C11orf96: variants seen among roughly 807,000 people sequenced by gnomAD.
The protein encoded by C11orf96 is chromosome 11 open reading frame 96.
Under a neutral mutation model 7.6 loss-of-function variants are expected in C11orf96, and 6 were observed. The observed-to-expected ratio is 0.79, with a 90% CI of 0.43 to 1.55. The LOEUF is 1.55. C11orf96 is among the 40% of genes most tolerant of loss of function. The probability of loss-of-function intolerance (pLI) is 0.01; values close to 1 mark genes in which losing one functional copy is unlikely to be tolerated. For missense variants in C11orf96, 150 were observed against 167.3 expected, an observed-to-expected ratio of 0.90 and a Z score of 0.57; for synonymous variants, 72 against 79.0, an observed-to-expected ratio of 0.91 and a Z score of 0.47.
chr11:43,943,202 C>A lies in C11orf96; in HGVS notation c.298C>A (p.Gln100Lys). 1 of 1,524,176 alleles carries A rather than the reference C, an allele frequency of 6.6e-7. No homozygotes were observed. Among genetic ancestry groups the A allele is most frequent in the Non-Finnish European group, 8.8e-7 (1 of 1,135,582 alleles). The allele number at this position is 1,524,176 out of a possible 1,614,324, so 94.4% of individuals were successfully genotyped here. ...LRRSTQSLSL[Q>K]REQLSSCKLR... ...CCGCAGCACGCAGAGCCTGTCGCTGCAGCGGGAGCAGCTCAGCAGCTGCAA... is the reference window on the plus strand; with the variant it reads ...CCGCAGCACGCAGAGCCTGTCGCTGAAGCGGGAGCAGCTCAGCAGCTGCAA... The change falls in exon 1 of 1, where the codon CAG (glutamine) becomes AAG (lysine). Residue 100 changes from glutamine to lysine, a missense_variant. Gln to Lys is a moderately conservative substitution (Grantham distance 53). Around this residue, in one of 3 missense-constraint regions of C11orf96, gnomAD observed 69 missense variants for 69.1 expected, o/e 1.00. Transcript: ENST00000617612. The surrounding 1 kb of genome is among the most constrained non-coding windows in gnomAD (Gnocchi z 4.8).
Position 43,943,511 on chromosome 11 carries a change from T to G in C11orf96, c.*238T>G, listed in dbSNP as rs994376932. ...TTTCCTCGTCCTTGTAAATGTTTAT[T>G]TTTTAACTCTTCCCAGTGCGAACTC... is the stretch of plus-strand genomic sequence containing the variant. On this transcript the variant is annotated 3_prime_UTR_variant, in exon 1 of 1. Transcript: ENST00000617612. The surrounding 1 kb of genome is among the most constrained non-coding windows in gnomAD (Gnocchi z 4.8). The G allele has an allele frequency of 2.2e-6, 3 of 1,350,710 alleles. No individual in the cohort carries two copies. In the African/African-American group the frequency reaches 4.5e-5, roughly 20 times the overall value. 83.7% of individuals were successfully genotyped at this position (1,350,710 alleles called of 1,614,324 possible). A position where few individuals can be genotyped will look rare whatever the true frequency, so the allele number is the denominator to read the frequency against.
chr11:43,943,328 G>A lies in C11orf96; in HGVS notation c.*55G>A. 4.2e-6 allele frequency: 6 copies of A among 1,426,112 alleles called. No homozygotes were observed. The highest frequency in any genetic ancestry group is 5.5e-6 in the Non-Finnish European group (6 of 1,096,464). The allele number at this position is 1,426,112 out of a possible 1,614,324, so 88.3% of individuals were successfully genotyped here. On this transcript the variant is annotated 3_prime_UTR_variant, in exon 1 of 1. Coordinates refer to ENST00000617612, the MANE Select transcript of C11orf96 (RefSeq NM_001145033.2). The surrounding 1 kb of genome is among the most constrained non-coding windows in gnomAD (Gnocchi z 4.8). ...GTCCGCGGTCCGCGCGGGGACCGGC[G>A]TGTGAACCCCGAGAGTGCCCGCGCC... is the stretch of plus-strand genomic sequence containing the variant.
At position 43,942,887 on chromosome 11, in the gene C11orf96, G is replaced by A. The variant is rs1313356368; in HGVS notation, c.-18G>A. 8 of 1,321,722 alleles carry A rather than the reference G, an allele frequency of 6.1e-6. No individual in the cohort carries two copies. The highest frequency in any genetic ancestry group is 4.0e-5 in the South Asian group (2 of 50,408). The allele number at this position is 1,321,722 out of a possible 1,614,324, so 81.9% of individuals were successfully genotyped here. On this transcript the variant is annotated 5_prime_UTR_variant, in exon 1 of 1. Transcript: ENST00000617612. ...CCCCGGCGCCCCGCCGCCCGGCCCC[G>A]CAGACGCCGGAGGCGCCATGGCCGC...
chr11:43,942,788 T>G lies in C11orf96; in HGVS notation c.-117T>G. ...GGGCCGCCGCCACCCCGCAGCAGAT[T>G]TGGATCCCCCGCCCGGCGAGCCCCC... On this transcript the variant is annotated 5_prime_UTR_variant, in exon 1 of 1. It adds an upstream start codon to the 5' untranslated region. Transcript: ENST00000617612. 1.6e-6 allele frequency: 1 copy of G among 634,216 alleles called. No individual in the cohort carries two copies. Among genetic ancestry groups the G allele is most frequent in the African/African-American group, 2.0e-5 (1 of 49,244 alleles). The allele number at this position is 634,216 out of a possible 1,614,324, so 39.3% of individuals were successfully genotyped here.
In C11orf96 at chr11:43,943,029, G is replaced by A. The variant is rs1329784005; in HGVS notation, c.125G>A (p.Arg42Gln). 6 of 1,505,364 alleles carry A rather than the reference G, an allele frequency of 4.0e-6. No homozygotes were observed. In the East Asian group the frequency reaches 1.1e-4, roughly 28 times the overall value. The allele number at this position is 1,505,364 out of a possible 1,614,324, so 93.3% of individuals were successfully genotyped here. A position where few individuals can be genotyped will look rare whatever the true frequency, so the allele number is the denominator to read the frequency against. Residue 42 changes from arginine (R) to glutamine (Q), a missense_variant, in exon 1 of 1, where the codon CGG becomes CAG. Arg to Gln is a conservative substitution (Grantham distance 43). This residue lies in a region of C11orf96 where 77 missense variants were observed against 80.5 expected (regional missense o/e 0.96). Transcript: ENST00000617612. This position sits in a 1 kb window ranked among gnomAD's most constrained non-coding sequence, Gnocchi z 4.8. ...CGGCCCGCCAAGCTGCCCAAGGGCC[G>A]GGGCCGGCTGCGGCGGCCGCGCCAG... Reference protein sequence around the residue: ...PVRPAKLPKGRGRLRRPRQSR... With the variant: ...PVRPAKLPKGQGRLRRPRQSR...
Position 43,943,208 on chromosome 11 carries a change from G to C in C11orf96, c.304G>C (p.Glu102Gln). 6.6e-7 allele frequency: 1 copy of C among 1,526,470 alleles called. No individual in the cohort carries two copies. Among genetic ancestry groups the C allele is most frequent in the South Asian group, 1.2e-5 (1 of 81,464 alleles). The allele number at this position is 1,526,470 out of a possible 1,614,324, so 94.6% of individuals were successfully genotyped here. ...RSTQSLSLQR[E>Q]QLSSCKLRNS... Reference sequence around the variant, plus strand: ...CACGCAGAGCCTGTCGCTGCAGCGGGAGCAGCTCAGCAGCTGCAAACTGAG... The same window carrying C: ...CACGCAGAGCCTGTCGCTGCAGCGGCAGCAGCTCAGCAGCTGCAAACTGAG... Residue 102 changes from glutamate (E) to glutamine (Q), a missense_variant, in exon 1 of 1, where the codon GAG (glutamate) becomes CAG (glutamine). Physicochemically the swap from Glu to Gln is conservative, Grantham distance 29. Coordinates refer to ENST00000617612, the MANE Select transcript of C11orf96 (RefSeq NM_001145033.2). The surrounding 1 kb of genome is among the most constrained non-coding windows in gnomAD (Gnocchi z 4.8).
Position 43,943,425 on chromosome 11 carries a change from A to C in C11orf96, c.*152A>C. On this transcript the variant is annotated 3_prime_UTR_variant, in exon 1 of 1. Transcript: ENST00000617612. The surrounding 1 kb of genome is among the most constrained non-coding windows in gnomAD (Gnocchi z 4.8). ...CGCTCGGACTCCCGCCCCGCTGCGA[A>C]CCGGTCGGTGCGCCCCTCGCCGCGC... is the stretch of plus-strand genomic sequence containing the variant. 6.9e-7 allele frequency: 1 copy of C among 1,443,086 alleles called. No homozygotes were observed. Among genetic ancestry groups the C allele is most frequent in the Non-Finnish European group, 9.2e-7 (1 of 1,083,876 alleles). 89.4% of individuals were successfully genotyped at this position (1,443,086 alleles called of 1,614,324 possible). A position where few individuals can be genotyped will look rare whatever the true frequency, so the allele number is the denominator to read the frequency against.
chr11:43,943,380 C>T lies in C11orf96; in HGVS notation c.*107C>T. On this transcript the variant is annotated 3_prime_UTR_variant, in exon 1 of 1. Coordinates refer to ENST00000617612, the MANE Select transcript of C11orf96 (RefSeq NM_001145033.2). The surrounding 1 kb of genome is among the most constrained non-coding windows in gnomAD (Gnocchi z 4.8). ...TGCTCCCGGGGGACCCGCAAGGACC[C>T]GGGACCGCCGCTCCTCGCGCGCTCG... 3 of 1,399,680 alleles carry T rather than the reference C, an allele frequency of 2.1e-6. No individual in the cohort carries two copies. Among genetic ancestry groups the T allele is most frequent in the Admixed American group, 3.4e-5 (1 of 29,432 alleles). The allele number at this position is 1,399,680 out of a possible 1,614,324, so 86.7% of individuals were successfully genotyped here.
Position 43,943,706 on chromosome 11 carries a change from T to A in C11orf96, c.*433T>A. 7.7e-7 allele frequency: 1 copy of A among 1,304,368 alleles called. No homozygotes were observed. Among genetic ancestry groups the A allele is most frequent in the Non-Finnish European group, 1.0e-6 (1 of 989,040 alleles). 80.8% of individuals were successfully genotyped at this position (1,304,368 alleles called of 1,614,324 possible). A position where few individuals can be genotyped will look rare whatever the true frequency, so the allele number is the denominator to read the frequency against. On this transcript the variant is annotated 3_prime_UTR_variant, in exon 1 of 1. Coordinates refer to ENST00000617612, the MANE Select transcript of C11orf96 (RefSeq NM_001145033.2). The surrounding 1 kb of genome is among the most constrained non-coding windows in gnomAD (Gnocchi z 4.8). The stretch of plus-strand genomic sequence containing the variant: ...ACACTCTCGCTGAACACTTTTATAA[T>A]TGTTAGGCGTGGCCGTTGGGACTTT...
chr11:43,943,669 ACACT>A lies in C11orf96; in HGVS notation c.*400_*403del, dbSNP rs1402508824. On this transcript the variant is annotated 3_prime_UTR_variant, in exon 1 of 1. Coordinates refer to ENST00000617612, the MANE Select transcript of C11orf96 (RefSeq NM_001145033.2). This position sits in a 1 kb window ranked among gnomAD's most constrained non-coding sequence, Gnocchi z 4.8. ...CGTGCCCCCCAGCGCACACCCATTC[ACACT>A]CACGCCAACACTCTCGCTGAACACT... The A allele has an allele frequency of 1.5e-6, 2 of 1,304,672 alleles. No homozygotes were observed. The highest frequency in any genetic ancestry group is 5.5e-5 in the East Asian group (1 of 18,030). The allele number at this position is 1,304,672 out of a possible 1,614,324, so 80.8% of individuals were successfully genotyped here.
rs954610489 is a variant in C11orf96, at chr11:43,943,344, T to C, written c.*71T>C. On this transcript the variant is annotated 3_prime_UTR_variant, in exon 1 of 1. Coordinates refer to ENST00000617612, the MANE Select transcript of C11orf96 (RefSeq NM_001145033.2). This position sits in a 1 kb window ranked among gnomAD's most constrained non-coding sequence, Gnocchi z 4.8. ...GGGACCGGCGTGTGAACCCCGAGAGTGCCCGCGCCCTGCTCCCGGGGGACC... is the reference window on the plus strand; with the variant it reads ...GGGACCGGCGTGTGAACCCCGAGAGCGCCCGCGCCCTGCTCCCGGGGGACC... 2 of 1,399,204 alleles carry C rather than the reference T, an allele frequency of 1.4e-6. No individual in the cohort carries two copies. Among genetic ancestry groups the C allele is most frequent in the Non-Finnish European group, 1.8e-6 (2 of 1,083,788 alleles). The allele number at this position is 1,399,204 out of a possible 1,614,324, so 86.7% of individuals were successfully genotyped here. A position where few individuals can be genotyped will look rare whatever the true frequency, so the allele number is the denominator to read the frequency against.
chr11:43,943,753 G>A lies in C11orf96; in HGVS notation c.*480G>A. On this transcript the variant is annotated 3_prime_UTR_variant, in exon 1 of 1. Transcript: ENST00000617612. This position sits in a 1 kb window ranked among gnomAD's most constrained non-coding sequence, Gnocchi z 4.8. ...CTTTGGGCGCAGCGCGGCTGCTACT[G>A]CGTCTGGAGGATTGATATTTATTTT... is the stretch of plus-strand genomic sequence containing the variant. The A allele has an allele frequency of 7.7e-7, 1 of 1,304,350 alleles. No individual in the cohort carries two copies. The highest frequency in any genetic ancestry group is 1.0e-6 in the Non-Finnish European group (1 of 988,988). The allele number at this position is 1,304,350 out of a possible 1,614,324, so 80.8% of individuals were successfully genotyped here.
In C11orf96 at chr11:43,943,172, C is replaced by G. The variant is rs1952126548; in HGVS notation, c.268C>G (p.Leu90Val). 1 of 1,507,290 alleles carries G rather than the reference C, an allele frequency of 6.6e-7. No homozygotes were observed. Among genetic ancestry groups the G allele is most frequent in the Non-Finnish European group, 8.9e-7 (1 of 1,127,922 alleles). 93.4% of individuals were successfully genotyped at this position (1,507,290 alleles called of 1,614,324 possible). A position where few individuals can be genotyped will look rare whatever the true frequency, so the allele number is the denominator to read the frequency against. ...KKSFLQSLEC[L>V]RRSTQSLSLQ... ...GTCGTTCCTGCAGAGCCTGGAGTGCCTGCGCCGCAGCACGCAGAGCCTGTC... is the reference window on the plus strand; with the variant it reads ...GTCGTTCCTGCAGAGCCTGGAGTGCGTGCGCCGCAGCACGCAGAGCCTGTC... The change falls in exon 1 of 1, where the codon CTG becomes GTG. Residue 90 changes from leucine to valine, a missense_variant. This residue lies in a region of C11orf96 where 69 missense variants were observed against 69.1 expected (regional missense o/e 1.00). Transcript: ENST00000617612. This position sits in a 1 kb window ranked among gnomAD's most constrained non-coding sequence, Gnocchi z 4.8.
Position 43,943,374 on chromosome 11 carries a change from A to G in C11orf96, c.*101A>G. On this transcript the variant is annotated 3_prime_UTR_variant, in exon 1 of 1. Coordinates refer to ENST00000617612, the MANE Select transcript of C11orf96 (RefSeq NM_001145033.2). The surrounding 1 kb of genome is among the most constrained non-coding windows in gnomAD (Gnocchi z 4.8). The stretch of plus-strand genomic sequence containing the variant: ...GCGCCCTGCTCCCGGGGGACCCGCA[A>G]GGACCCGGGACCGCCGCTCCTCGCG... The G allele has an allele frequency of 7.2e-7, 1 of 1,386,874 alleles. No homozygotes were observed. The highest frequency in any genetic ancestry group is 9.3e-7 in the Non-Finnish European group (1 of 1,075,360). 85.9% of individuals were successfully genotyped at this position (1,386,874 alleles called of 1,614,324 possible). A position where few individuals can be genotyped will look rare whatever the true frequency, so the allele number is the denominator to read the frequency against.
chr11:43,942,846 G>A lies in C11orf96; in HGVS notation c.-59G>A. ...GCCTCCCGGGGGGCCCCGGCGCAGC[G>A]GCCGCCCTCGGAGAGCCCCGGCGCC... is the stretch of plus-strand genomic sequence containing the variant. On this transcript the variant is annotated 5_prime_UTR_variant, in exon 1 of 1. Transcript: ENST00000617612. The A allele has an allele frequency of 8.5e-7, 1 of 1,170,282 alleles. No individual in the cohort carries two copies. Among genetic ancestry groups the A allele is most frequent in the South Asian group, 4.1e-5 (1 of 24,156 alleles). 72.5% of individuals were successfully genotyped at this position (1,170,282 alleles called of 1,614,324 possible).
chr11:43,942,812 C>T lies in C11orf96; in HGVS notation c.-93C>T, dbSNP rs1952123138. The T allele has an allele frequency of 1.1e-6, 1 of 944,636 alleles. No homozygotes were observed. The allele number at this position is 944,636 out of a possible 1,614,324, so 58.5% of individuals were successfully genotyped here. A position where few individuals can be genotyped will look rare whatever the true frequency, so the allele number is the denominator to read the frequency against. ...TTTGGATCCCCCGCCCGGCGAGCCC[C>T]CGGCTGCTGCCTCCCGGGGGGCCCC... On this transcript the variant is annotated 5_prime_UTR_variant, in exon 1 of 1. Transcript: ENST00000617612.
Position 43,943,460 on chromosome 11 carries a change from C to CCCGGGAGCG in C11orf96, c.*197_*205dup. ...GCGCCCCTCGCCGCGCTCGCCCTGG[C>CCCGGGAGCG]CCGGGAGCGCCGGGAGCGGGGCCGC... On this transcript the variant is annotated 3_prime_UTR_variant, in exon 1 of 1. Transcript: ENST00000617612. This position sits in a 1 kb window ranked among gnomAD's most constrained non-coding sequence, Gnocchi z 4.8. The CCCGGGAGCG allele has an allele frequency of 3.5e-6, 5 of 1,417,686 alleles. No homozygotes were observed. The highest frequency in any genetic ancestry group is 4.7e-6 in the Non-Finnish European group (5 of 1,064,680). 87.8% of individuals were successfully genotyped at this position (1,417,686 alleles called of 1,614,324 possible).
At position 43,943,065 on chromosome 11, in the gene C11orf96, A is replaced by G; in HGVS notation, c.161A>G (p.Lys54Arg). The G allele has an allele frequency of 6.7e-7, 1 of 1,503,396 alleles. No individual in the cohort carries two copies. Among genetic ancestry groups the G allele is most frequent in the Non-Finnish European group, 8.9e-7 (1 of 1,125,876 alleles). 93.1% of individuals were successfully genotyped at this position (1,503,396 alleles called of 1,614,324 possible). A position where few individuals can be genotyped will look rare whatever the true frequency, so the allele number is the denominator to read the frequency against. Residue 54 changes from lysine to arginine, a missense_variant, in exon 1 of 1, where the codon AAG becomes AGG. By Grantham distance (26) the Lys-to-Arg change is conservative (BLOSUM62 2). Coordinates refer to ENST00000617612, the MANE Select transcript of C11orf96 (RefSeq NM_001145033.2). This position sits in a 1 kb window ranked among gnomAD's most constrained non-coding sequence, Gnocchi z 4.8. ...CGGCGGCCGCGCCAGTCTCGCTTCA[A>G]GACGCAGCCGGTGACCTTCGACGAG... ...RLRRPRQSRFKTQPVTFDEIQ... is the reference protein window; with the variant it reads ...RLRRPRQSRFRTQPVTFDEIQ...
rs749632773 is a variant in C11orf96, at chr11:43,943,481, G to A, written c.*208G>A. On this transcript the variant is annotated 3_prime_UTR_variant, in exon 1 of 1. Coordinates refer to ENST00000617612, the MANE Select transcript of C11orf96 (RefSeq NM_001145033.2). This position sits in a 1 kb window ranked among gnomAD's most constrained non-coding sequence, Gnocchi z 4.8. The stretch of plus-strand genomic sequence containing the variant: ...CTGGCCCGGGAGCGCCGGGAGCGGG[G>A]CCGCTTTCCTCGTCCTTGTAAATGT... 1.4e-5 allele frequency: 20 copies of A among 1,399,838 alleles called. No individual in the cohort carries two copies. The highest frequency in any genetic ancestry group is 1.9e-5 in the Non-Finnish European group (20 of 1,052,974). 86.7% of individuals were successfully genotyped at this position (1,399,838 alleles called of 1,614,324 possible).
Sources: allele counts gnomAD v4.1 joint callset, GRCh38; gene constraint gnomAD v4.1.1; regional missense constraint gnomAD v4.1.1; non-coding constraint Gnocchi (gnomAD v3.1); transcripts MANE v1.5; gene names NCBI Gene and HGNC (gene_info 2026-07-23, HGNC 2026-07-21).